ARHGEF10: variants seen among roughly 807,000 people sequenced by gnomAD.
ARHGEF10 encodes the protein Rho guanine nucleotide exchange factor (GEF) 10.
ARHGEF10 carries 140 observed loss-of-function variants against 147.4 expected under a neutral mutation model. The observed-to-expected ratio is 0.95, with a 90% CI of 0.83 to 1.09. The LOEUF is 1.09. Ranked by LOEUF, ARHGEF10 falls within the 50% of genes least tolerant of loss-of-function variation. The pLI is 0.00. For synonymous variants in ARHGEF10, 902 were observed against 695.8 expected, an observed-to-expected ratio of 1.30 and a Z score of -4.67; for missense variants, 2,222 against 1,752.7, an observed-to-expected ratio of 1.27 and a Z score of -4.78.
chr8:1,918,079 C>T (rs948813150), intron 18 of ARHGEF10, among the ~76,000 whole-genome samples: 11 of 152,180 alleles, frequency 7.2e-5, no homozygotes, highest in Admixed American at 2.0e-4. Context: ...TGAGCCACCG[C>T]GCCTGAACTG....
chr8:1,838,356 C>T (rs1014253363), intron 1 of ARHGEF10, among the ~76,000 whole-genome samples: 3 of 152,244 alleles, frequency 2.0e-5, no homozygotes, highest in African/African-American at 7.2e-5. Flanking sequence ...ACGTACTCTT[C>T]TTCCATCCGT....
At chr8:1,930,960 GC>G (rs1359860827) in intron 25 of ARHGEF10, among the ~76,000 whole-genome samples, 1 of 152,238 alleles carries the variant, frequency 6.6e-6, no homozygotes, top group Non-Finnish European at 1.5e-5. Flanking sequence ...TCCGGTGGGT[GC>G]CCCGGCCTGG....
At chr8:1,944,661 C>T (rs1185976420) in intron 26 of ARHGEF10, among the ~76,000 whole-genome samples, 1 of 152,224 alleles carries the variant, frequency 6.6e-6, no homozygotes, top group Non-Finnish European at 1.5e-5. Flanking sequence ...CTTTAGATAA[C>T]TGTGCAGGAT....
At chr8:1,919,485 G>T (rs556890190) in intron 18 of ARHGEF10, among the ~76,000 whole-genome samples, 2 of 148,300 alleles carry the variant, frequency 1.3e-5, no homozygotes, top group Admixed American at 1.3e-4. Flanking sequence ...TCTGTCCAGT[G>T]ATGGAGCTGT....
Position 1,948,005 on chromosome 8 carries a change from T to G in ARHGEF10, c.3397+2350T>G, listed in dbSNP as rs1192389502. Among the ~76,000 whole-genome samples the G allele has an allele frequency of 6.6e-6, 1 of 151,980 alleles. No homozygotes were observed. The highest frequency in any genetic ancestry group is 2.4e-5 in the African/African-American group (1 of 41,388). ...GCTCAGGTCGCAGGTTCTGGCTAAA[T>G]CGCAGCTGCCTGTGTTGCGTGTTTT... On this transcript the variant is annotated intron_variant, in intron 27 of 28. Transcript: ENST00000349830. This position sits in a 1 kb window ranked among gnomAD's most constrained non-coding sequence, Gnocchi z 4.9.
intron 1 of ARHGEF10, among the ~76,000 whole-genome samples, chr8:1,832,982 ACAGAGACAGAGG>A (rs1370890933): frequency 1.9e-4 from 6 of 31,482 alleles, no homozygotes; most frequent in Non-Finnish European, 4.5e-4. Context: ...GCAGAGAGAG[ACAGAGACAGAGG>A]CAGAGACAGG....
At chr8:1,888,357 A>C (rs1199180592) in intron 11 of ARHGEF10, among the ~76,000 whole-genome samples, 8 of 126,428 alleles carry the variant, frequency 6.3e-5, no homozygotes, top group Admixed American at 5.8e-4. Flanking sequence ...GAGTGGGGTG[A>C]GGGTTGTGAG....
rs1377386275 is a variant in ARHGEF10 at position 1,925,363 on chromosome 8, G to A, written c.2569G>A (p.Gly857Arg). The change falls in exon 22 of 29, where the codon GGA becomes AGA. Residue 857 changes from glycine (G) to arginine (R), a missense_variant. By Grantham distance (125) the Gly-to-Arg change is moderately radical. Transcript: ENST00000349830. ...AAAGGAGAAGCATCCTCTCCTCGTCGGACACATGCCCGTGATGGTGGCCAA... is the reference window on the plus strand; with the variant it reads ...AAAGGAGAAGCATCCTCTCCTCGTCAGACACATGCCCGTGATGGTGGCCAA... ...IKKEKHPLLVGHMPVMVAKQQ... is the reference protein window; with the variant it reads ...IKKEKHPLLVRHMPVMVAKQQ... The A allele has an allele frequency of 2.5e-6, 4 of 1,614,058 alleles. No homozygotes were observed. Among genetic ancestry groups the A allele is most frequent in the Admixed American group, 3.3e-5 (2 of 60,006 alleles).
At chr8:1,917,577 G>A (rs762286983) in intron 18 of ARHGEF10, among the ~76,000 whole-genome samples, 2 of 152,084 alleles carry the variant, frequency 1.3e-5, no homozygotes, top group Non-Finnish European at 2.9e-5. Context: ...AGATTGCAGG[G>A]ATTTCCATGG....
chr8:1,924,647 G>A (rs1439493906), intron 21 of ARHGEF10, among the ~76,000 whole-genome samples: 1 of 152,236 alleles, frequency 6.6e-6, no homozygotes, highest in South Asian at 2.1e-4. Context: ...ACTTGATGAG[G>A]AAGCAGAAAC....
chr8:1,919,168 G>A (rs1198523859), intron 18 of ARHGEF10, among the ~76,000 whole-genome samples: 1 of 148,520 alleles, frequency 6.7e-6, no homozygotes, highest in Non-Finnish European at 1.5e-5. Flanking sequence ...CGTGGGTGAT[G>A]GAGCTGTTCT....
chr8:1,850,692 G>A (rs895721197), intron 2 of ARHGEF10, among the ~76,000 whole-genome samples: 13 of 152,134 alleles, frequency 8.5e-5, no homozygotes, highest in African/African-American at 2.4e-4. Context: ...GCCATGCCCC[G>A]GCGTATTTAT....
chr8:1,935,573 C>G (rs897535078), intron 26 of ARHGEF10, among the ~76,000 whole-genome samples: 1 of 152,164 alleles, frequency 6.6e-6, no homozygotes, highest in East Asian at 1.9e-4. Context: ...CTCAGGACCG[C>G]GGGGTCTTAG....
At chr8:1,831,125 G>A (rs886887477) in intron 1 of ARHGEF10, among the ~76,000 whole-genome samples, 16 of 152,240 alleles carry the variant, frequency 1.1e-4, no homozygotes, top group Admixed American at 8.5e-4. Context: ...CCAGACCCAT[G>A]GAGGGACAGT....
chr8:1,869,032 T>C (rs1399888733), intron 6 of ARHGEF10, among the ~76,000 whole-genome samples, 162 bp from the exon 7 acceptor site: 1 of 152,132 alleles, frequency 6.6e-6, no homozygotes, highest in Non-Finnish European at 1.5e-5. Context: ...TGTCTACTAG[T>C]TGGGACAAAG....
intron 28 of ARHGEF10, 70 bp from the exon 29 acceptor site, chr8:1,956,679 C>T (rs1815592448): frequency 6.3e-7 from 1 of 1,584,786 alleles, no homozygotes; most frequent in Non-Finnish European, 8.7e-7. Context: ...TTAAGCCCTG[C>T]ACTTTTTGCT....
intron 26 of ARHGEF10, among the ~76,000 whole-genome samples, chr8:1,942,332 GTCGACCC>G (rs1814165587): frequency 1.3e-5 from 2 of 151,404 alleles, no homozygotes. Context: ...AAGATGTACA[GTCGACCC>G]ATAGGCACAC....
intron 1 of ARHGEF10, among the ~76,000 whole-genome samples, chr8:1,833,560 T>A (rs1803400656): frequency 6.6e-6 from 1 of 152,184 alleles, no homozygotes; most frequent in Admixed American, 6.5e-5. Flanking sequence ...CTGGCTCTTC[T>A]TTGGCGCCCT....
intron 5 of ARHGEF10, 122 bp downstream of exon 5, chr8:1,864,558 C>T: frequency 1.0e-6 from 1 of 967,250 alleles, no homozygotes; most frequent in Non-Finnish European, 1.7e-6. Flanking sequence ...GGAGCTGTCC[C>T]AACCCCACCT....
Sources: gnomAD v4.1 joint callset for allele counts (sites outside exome capture counted in the v4.1 genomes callset) on GRCh38, gnomAD v4.1.1 for gene constraint, Gnocchi (gnomAD v3.1) non-coding constraint, MANE v1.5 for transcripts, NCBI Gene and HGNC (gene_info 2026-07-23, HGNC 2026-07-21) for gene names.